Variants in ERC1 observed in about 807,000 individuals in gnomAD.
The protein encoded by ERC1 is RAB6 interacting protein 2.
In ERC1, 56 loss-of-function variants were observed where a neutral mutation model predicts 132.0. The observed-to-expected ratio is 0.42, with a 90% confidence interval of 0.34 to 0.53. The LOEUF (loss-of-function observed/expected upper bound fraction) is 0.53. ERC1 is among the 20% of genes least tolerant of loss of function. The probability of loss-of-function intolerance (pLI) is 0.03; values close to 1 mark genes in which losing one functional copy is unlikely to be tolerated. For synonymous variants in ERC1, 478 were observed against 476.1 expected, an observed-to-expected ratio of 1.00 and a Z score of -0.05; for missense variants, 1,202 against 1,349.9, an observed-to-expected ratio of 0.89 and a Z score of 1.72.
intron 1 of ERC1, among the ~76,000 whole-genome samples, chr12:993,177 T>C (rs1325038262): frequency 6.6e-6 from 1 of 152,258 alleles, no homozygotes; most frequent in East Asian, 1.9e-4. Flanking sequence ...ATTCAGTTAA[T>C]TCATTTGGTA....
chr12:1,457,600 T>C (rs574294556), intron 18 of ERC1, among the ~76,000 whole-genome samples: 2 of 152,338 alleles, frequency 1.3e-5, no homozygotes, highest in East Asian at 1.9e-4. Context: ...ACTCTCTAAA[T>C]ATTAGTTGTC....
intron 15 of ERC1, among the ~76,000 whole-genome samples, chr12:1,298,171 T>C (rs1006972995): frequency 2.6e-5 from 4 of 152,184 alleles, no homozygotes; most frequent in Non-Finnish European, 4.4e-5. Flanking sequence ...CAATTTCTAA[T>C]CTAAATAGAC....
intron 2 of ERC1, among the ~76,000 whole-genome samples, chr12:1,079,011 C>T (rs1481747529): frequency 6.7e-6 from 1 of 149,266 alleles, no homozygotes; most frequent in Non-Finnish European, 1.5e-5. Flanking sequence ...TATGACAAGT[C>T]GATATACAGA....
At chr12:1,048,042 A>G (rs2154166254) in intron 2 of ERC1, among the ~76,000 whole-genome samples, 1 of 152,198 alleles carries the variant, frequency 6.6e-6, no homozygotes, top group South Asian at 2.1e-4. Context: ...TTTTGGGCAA[A>G]ATGTTCTCAG....
chr12:1,118,092 ATTTTAAAATG>A (rs758932750), intron 7 of ERC1, among the ~76,000 whole-genome samples: 1 of 152,222 alleles, frequency 6.6e-6, no homozygotes, highest in Non-Finnish European at 1.5e-5. Flanking sequence ...TCTTTAAGTT[ATTTTAAAATG>A]TAATAGCTTT....
intron 1 of ERC1, among the ~76,000 whole-genome samples, chr12:1,016,664 A>C (rs1245963425): frequency 9.2e-6 from 1 of 108,586 alleles, no homozygotes; most frequent in Non-Finnish European, 1.8e-5. Flanking sequence ...ATTTTTTTGG[A>C]TACACTGTTT....
At chr12:1,484,919 T>C (rs1408934403) in intron 18 of ERC1, among the ~76,000 whole-genome samples, 1 of 151,426 alleles carries the variant, frequency 6.6e-6, no homozygotes, top group Admixed American at 6.6e-5. Flanking sequence ...CTCGCTGTGT[T>C]GCGCAGGCTA....
At chr12:1,031,023 T>G (rs1318147350) in intron 2 of ERC1, among the ~76,000 whole-genome samples, 1 of 152,188 alleles carries the variant, frequency 6.6e-6, no homozygotes, top group Non-Finnish European at 1.5e-5. Flanking sequence ...TAAATCTAAT[T>G]TAAGATTTCG....
rs573019832 is a variant in ERC1, at chr12:1,461,562, G to A, written c.3213+16812G>A. On this transcript the variant is annotated intron_variant, in intron 18 of 18. Transcript: ENST00000360905. ...GGGCACCTGTAATCTCAGCTACTTG[G>A]GAGGCTGAGGCAGGAGAATAGCTTG... Among the ~76,000 whole-genome samples the A allele has an allele frequency of 2.0e-5, 3 of 152,192 alleles. No individual in the cohort carries two copies. The South Asian group carries it at 6.2e-4, about 32-fold the overall frequency.
At chr12:1,490,003 T>G in intron 18 of ERC1, 90 bp from the exon 19 acceptor site, 2 of 1,374,680 alleles carry the variant, frequency 1.5e-6, no homozygotes, top group South Asian at 1.3e-5. Flanking sequence ...ACATACAGAG[T>G]GCCTTTGTCA....
At chr12:1,053,823 A>G (rs1262748949) in intron 2 of ERC1, among the ~76,000 whole-genome samples, 1 of 152,214 alleles carries the variant, frequency 6.6e-6, no homozygotes, top group Non-Finnish European at 1.5e-5. Flanking sequence ...TAGAAGACAG[A>G]TGAAAGCAAA....
At chr12:1,195,631 G>T (rs1956148499) in intron 12 of ERC1, among the ~76,000 whole-genome samples, 1 of 152,202 alleles carries the variant, frequency 6.6e-6, no homozygotes, top group Non-Finnish European at 1.5e-5. Flanking sequence ...GTCGGGATGT[G>T]ATACCCATAA....
At chr12:1,245,991 G>A (rs539270879) in intron 13 of ERC1, among the ~76,000 whole-genome samples, 1 of 151,638 alleles carries the variant, frequency 6.6e-6, no homozygotes. Flanking sequence ...GGCTGGTCTC[G>A]AACTCCTGGC....
chr12:1,103,084 A>G (rs1300221531), intron 3 of ERC1, among the ~76,000 whole-genome samples: 2 of 152,172 alleles, frequency 1.3e-5, no homozygotes, highest in Non-Finnish European at 2.9e-5. Flanking sequence ...GCAGACTTTA[A>G]TATGCGTCTC....
chr12:1,325,009 T>A (rs950906878), intron 15 of ERC1, among the ~76,000 whole-genome samples: 3 of 152,178 alleles, frequency 2.0e-5, no homozygotes, highest in Non-Finnish European at 4.4e-5. Flanking sequence ...CATAGAATAT[T>A]AGTGAGTTTT....
chr12:1,141,862 A>G, intron 8 of ERC1, 75 bp downstream of exon 8: 1 of 1,186,588 alleles, frequency 8.4e-7, no homozygotes, highest in Non-Finnish European at 1.1e-6. Flanking sequence ...TTATTTCTAA[A>G]TGCTGTCAGA....
chr12:1,451,581 C>T (rs1336074621), intron 18 of ERC1, among the ~76,000 whole-genome samples: 6 of 152,002 alleles, frequency 3.9e-5, no homozygotes, highest in Non-Finnish European at 8.8e-5. Context: ...GCTATGATCA[C>T]GCCACTGCAC....
chr12:1,198,887 C>T (rs111983059), intron 12 of ERC1, among the ~76,000 whole-genome samples: 4 of 149,602 alleles, frequency 2.7e-5, no homozygotes, highest in South Asian at 2.1e-4. Flanking sequence ...GACAAACCAC[C>T]GTCATGATCC....
chr12:1,468,360 T>C (rs898197469), intron 18 of ERC1, among the ~76,000 whole-genome samples: 6 of 152,130 alleles, frequency 3.9e-5, no homozygotes, highest in Non-Finnish European at 7.4e-5. Context: ...CCCAGCACTT[T>C]GGGAGGCCAA....
Sources: gnomAD v4.1 joint callset for allele counts (sites outside exome capture counted in the v4.1 genomes callset) on GRCh38, gnomAD v4.1.1 for gene constraint, MANE v1.5 for transcripts, NCBI Gene and HGNC (gene_info 2026-07-23, HGNC 2026-07-21) for gene names.